The following ANTXRL variants were observed in gnomAD, a reference collection of about 807,000 sequenced individuals.
The protein encoded by ANTXRL is ANTXR like.
A neutral mutation model predicts 75.4 loss-of-function variants in ANTXRL; 63 were observed. The ratio of observed to expected loss-of-function variants is 0.84; its 90% CI spans 0.68 to 1.03. The LOEUF is 1.03. ANTXRL is among the 50% of genes least tolerant of loss of function. The pLI is 0.00. For synonymous variants in ANTXRL, 335 were observed against 291.3 expected, an observed-to-expected ratio of 1.15 and a Z score of -1.53; for missense variants, 797 against 789.4, an observed-to-expected ratio of 1.01 and a Z score of -0.12.
intron 16 of ANTXRL, among the ~76,000 whole-genome samples, chr10:46,328,562 C>T (rs145566448): frequency 9.5e-4 from 144 of 152,080 alleles, no homozygotes; most frequent in Middle Eastern, 3.4e-3. Context: ...TTCACATGGC[C>T]ATGTTGCTCA....
chr10:46,302,927 C>T (rs180864838), intron 10 of ANTXRL, 107 bp downstream of exon 10: 4 of 901,490 alleles, frequency 4.4e-6, no homozygotes, highest in Non-Finnish European at 6.8e-6. Flanking sequence ...CCCTGTGGAC[C>T]CTGTGGGGTT....
chr10:46,298,880 G>T (rs1348094458), intron 9 of ANTXRL, among the ~76,000 whole-genome samples: 1 of 151,602 alleles, frequency 6.6e-6, no homozygotes. Flanking sequence ...TGCATGGGTC[G>T]GTGGGAGTGG....
rs558638374 is a variant in ANTXRL at position 46,293,785 on chromosome 10, A to T, written c.321-44A>T. The stretch of plus-strand genomic sequence containing the variant: ...ATTGGCCTCACCACCTTGGCTTCTG[A>T]GCCTGTGCCACTGGCTTCTCACCAG... On this transcript the variant is annotated intron_variant, in intron 2 of 16. Coordinates refer to ENST00000620264, the MANE Select transcript of ANTXRL (RefSeq NM_001278688.3). The T allele has an allele frequency of 1.6e-4, 245 of 1,511,518 alleles. 5 individuals carry two copies. In the South Asian group the frequency reaches 2.8e-3, roughly 17 times the overall value. 93.6% of individuals were successfully genotyped at this position (1,511,518 alleles called of 1,614,324 possible). A position where few individuals can be genotyped will look rare whatever the true frequency, so the allele number is the denominator to read the frequency against.
chr10:46,327,177 C>A (rs1334462318), intron 16 of ANTXRL, among the ~76,000 whole-genome samples: 1 of 152,082 alleles, frequency 6.6e-6, no homozygotes, highest in Non-Finnish European at 1.5e-5. Flanking sequence ...CAGGGCATGG[C>A]CAGCTCTTCT....
chr10:46,292,211 G>A, intron 2 of ANTXRL, 82 bp downstream of exon 2: 1 of 1,364,682 alleles, frequency 7.3e-7, no homozygotes, highest in Non-Finnish European at 1.0e-6. Flanking sequence ...CATCCCATCA[G>A]ATGGGGTGGG....
intron 14 of ANTXRL, 22 bp downstream of exon 14, chr10:46,310,521 G>A (rs75611076): frequency 0.19 from 284,538 of 1,529,658 alleles, 22,453 homozygotes; most frequent in Admixed American, 0.19. Flanking sequence ...TTCTGGTCCC[G>A]ATATTGTCAC....
At chr10:46,298,396 G>T (rs1370245152) in intron 9 of ANTXRL, among the ~76,000 whole-genome samples, 1 of 151,906 alleles carries the variant, frequency 6.6e-6, no homozygotes, top group Non-Finnish European at 1.5e-5. Flanking sequence ...AGTGTGGTGT[G>T]TGTGGGGTGT....
rs542822016 is a variant in ANTXRL at position 46,328,739 on chromosome 10, C to T, written c.1411-860C>T. ...ACCACATTGCCTTTCTTAACAAAAG[C>T]AGGCTTCGTTAGTAAGGAAGACAGG... On this transcript the variant is annotated intron_variant, in intron 16 of 16. Coordinates refer to ENST00000620264, the MANE Select transcript of ANTXRL (RefSeq NM_001278688.3). Among the ~76,000 whole-genome samples, 10 of 152,120 alleles carry T rather than the reference C, an allele frequency of 6.6e-5. 1 individual carries two copies. In the South Asian group the frequency reaches 1.7e-3, roughly 25 times the overall value.
chr10:46,301,540 TG>T (rs1209000461), intron 9 of ANTXRL, among the ~76,000 whole-genome samples: 2 of 152,114 alleles, frequency 1.3e-5, no homozygotes, highest in Non-Finnish European at 2.9e-5. Flanking sequence ...TGGAGTGAGG[TG>T]GGCCTCGGAG....
intron 7 of ANTXRL, 120 bp downstream of exon 7, chr10:46,297,594 A>T (rs1416120493): frequency 9.7e-7 from 1 of 1,025,654 alleles, no homozygotes; most frequent in South Asian, 1.5e-5. Flanking sequence ...GGGCCAACTC[A>T]TGGCCACTGC....
rs1554963527 is a variant in ANTXRL, at chr10:46,311,605, C to T, written c.1269C>T (p.Cys423=). 7.1e-7 allele frequency: 1 copy of T among 1,407,400 alleles called. No individual in the cohort carries two copies. Among genetic ancestry groups the T allele is most frequent in the African/African-American group, 1.4e-5 (1 of 70,388 alleles). 87.2% of individuals were successfully genotyped at this position (1,407,400 alleles called of 1,614,324 possible). ...CGCCCCCAGCTCCTGTAAACACCTG[C>T]CCCACTGTGATTATTTGTTGCTGTG... ...PPPPPAPVNT[C]PTVIICCCGC... The change falls in exon 15 of 17, where the codon TGC becomes TGT. Residue 423 remains cysteine (C), a synonymous_variant. Transcript: ENST00000620264.
intron 3 of ANTXRL, among the ~76,000 whole-genome samples, chr10:46,294,346 G>C: frequency 6.6e-6 from 1 of 152,164 alleles, no homozygotes; most frequent in Non-Finnish European, 1.5e-5. Flanking sequence ...TGGGGCTTTA[G>C]TGCAGGGATG....
intron 5 of ANTXRL, among the ~76,000 whole-genome samples, chr10:46,297,036 T>C (rs368278038): frequency 7.9e-5 from 12 of 152,170 alleles, no homozygotes; most frequent in African/African-American, 2.4e-4. Context: ...CTCTGTAAAA[T>C]GGGTGCTGGG....
chr10:46,300,951 A>G (rs1167027539), intron 9 of ANTXRL, among the ~76,000 whole-genome samples: 2 of 152,036 alleles, frequency 1.3e-5, no homozygotes, highest in Admixed American at 6.5e-5. Context: ...CTGGGATTTT[A>G]CAATGAATGT....
chr10:46,287,243 GT>G lies in ANTXRL; in HGVS notation c.-19del. On this transcript the variant is annotated 5_prime_UTR_variant, in exon 1 of 17. Coordinates refer to ENST00000620264, the MANE Select transcript of ANTXRL (RefSeq NM_001278688.3). ...CACAGGCACCCAAGAGTGAGGTGGG[GT>G]CACAGGGACAGCCAGATAATGGGGA... 6.5e-7 allele frequency: 1 copy of G among 1,534,566 alleles called. No individual in the cohort carries two copies. The highest frequency in any genetic ancestry group is 8.7e-7 in the Non-Finnish European group (1 of 1,146,246).
intron 5 of ANTXRL, among the ~76,000 whole-genome samples, chr10:46,296,964 G>A (rs186271384): frequency 8.7e-4 from 132 of 152,296 alleles, no homozygotes; most frequent in Non-Finnish European, 1.4e-3. Context: ...GGTGGTGCAG[G>A]TCGCTAGTGG....
chr10:46,296,143 C>T lies in ANTXRL; in HGVS notation c.474+43C>T, dbSNP rs1588800637. On this transcript the variant is annotated intron_variant, in intron 4 of 16. Transcript: ENST00000620264. ...TCCTAACCCTAACCCTAACCCTAAC[C>T]CTAACCTACAAAATCTTAGAGCATC... The T allele has an allele frequency of 3.9e-6, 6 of 1,534,576 alleles. No homozygotes were observed. The East Asian group carries it at 1.2e-4, about 31-fold the overall frequency.
At chr10:46,319,660 G>A (rs1332340300) in intron 16 of ANTXRL, among the ~76,000 whole-genome samples, 1 of 152,120 alleles carries the variant, frequency 6.6e-6, no homozygotes, top group Non-Finnish European at 1.5e-5. Flanking sequence ...CATCTTTGTT[G>A]TTAGCCTGGT....
chr10:46,326,415 C>A (rs1334341137), intron 16 of ANTXRL, among the ~76,000 whole-genome samples: 1 of 152,082 alleles, frequency 6.6e-6, no homozygotes. Context: ...GGTGGCAGTG[C>A]CAGGAGGAGG....
Sources: allele counts gnomAD v4.1 joint callset (sites outside exome capture counted in the v4.1 genomes callset), GRCh38; gene constraint gnomAD v4.1.1; transcripts MANE v1.5; gene names NCBI Gene and HGNC (gene_info 2026-07-23, HGNC 2026-07-21).